The following METTL25B variants were observed in gnomAD, a reference collection of about 807,000 sequenced individuals.
METTL25B encodes methyltransferase-like protein 25B.
In METTL25B, 38 loss-of-function variants were observed where a neutral mutation model predicts 48.4. The observed-to-expected ratio is 0.78, with a 90% CI of 0.61 to 1.03. The LOEUF is 1.03. Among genes scored for constraint, METTL25B ranks in the 50% least tolerant of loss-of-function variants. METTL25B has a pLI of 0.00. For synonymous variants in METTL25B, 230 were observed against 254.5 expected, an observed-to-expected ratio of 0.90 and a Z score of 0.92; for missense variants, 537 against 603.7, an observed-to-expected ratio of 0.89 and a Z score of 1.16.
chr1:156,728,686 A>G lies in METTL25B; in HGVS notation c.-419A>G, dbSNP rs1295066462. ...CTAGCCCCGTGGTGGTACAACGCGA[A>G]GGTGTGGGAAGGCCGCGATAAACCG... On this transcript the variant is annotated 5_prime_UTR_variant, in exon 1 of 8. Transcript: ENST00000368216. 7.1e-6 allele frequency: 7 copies of G among 989,008 alleles called. No homozygotes were observed. In the African/African-American group the frequency reaches 1.2e-4, roughly 17 times the overall value. The allele number at this position is 989,008 out of a possible 1,614,324, so 61.3% of individuals were successfully genotyped here.
chr1:156,729,421 CTTTTTTTTTTTCT>C, intron 1 of METTL25B: 2 of 322,584 alleles, frequency 6.2e-6, no homozygotes, highest in Non-Finnish European at 1.1e-5. Context: ...TTTTCTTTTT[CTTTTTTTTTTTCT>C]TTTTTTTTTT....
intron 1 of METTL25B, 141 bp from the exon 2 acceptor site, chr1:156,731,850 G>A: frequency 9.4e-7 from 1 of 1,062,562 alleles, no homozygotes; most frequent in African/African-American, 1.6e-5. Context: ...CTTAGCAGGA[G>A]GTACCTGCCA....
rs1649539416 is a variant in METTL25B at position 156,734,288 on chromosome 1, C to T, written c.916C>T (p.Pro306Ser). Residue 306 changes from proline (P) to serine (S), a missense_variant, in exon 6 of 8, where the codon CCT (proline) becomes TCT (serine). By Grantham distance (74) the Pro-to-Ser change is moderately conservative. Transcript: ENST00000368216. ...ACTGAGTCAGTGGGTGGCTGGGCTGCCTGGCTATGAACTGCCCTACCGGCT... is the reference window on the plus strand; with the variant it reads ...ACTGAGTCAGTGGGTGGCTGGGCTGTCTGGCTATGAACTGCCCTACCGGCT... ...YPLSQWVAGL[P>S]GYELPYRLRE... 2 of 1,614,156 alleles carry T rather than the reference C, an allele frequency of 1.2e-6. No homozygotes were observed. The highest frequency in any genetic ancestry group is 1.6e-4 in the Middle Eastern group (1 of 6,062).
Position 156,736,882 on chromosome 1 carries a change from C to A in METTL25B, c.*129C>A. The stretch of plus-strand genomic sequence containing the variant: ...AGTCCTGGTTCCTTCAGTTTCATCC[C>A]CTTTCTCTCCTTCCATGGATTATGT... On this transcript the variant is annotated 3_prime_UTR_variant, in exon 8 of 8. Transcript: ENST00000368216. 1.2e-6 allele frequency: 1 copy of A among 805,692 alleles called. No individual in the cohort carries two copies. Among genetic ancestry groups the A allele is most frequent in the Non-Finnish European group, 1.9e-6 (1 of 523,406 alleles). The allele number at this position is 805,692 out of a possible 1,614,324, so 49.9% of individuals were successfully genotyped here.
At chr1:156,733,153 G>T in intron 4 of METTL25B, 106 bp downstream of exon 4, 1 of 1,250,260 alleles carries the variant, frequency 8.0e-7, no homozygotes, top group Non-Finnish European at 1.1e-6. Context: ...GTCAAGAAGC[G>T]TGGAATTTTT....
At position 156,734,349 on chromosome 1, in the gene METTL25B, C is replaced by A; in HGVS notation, c.977C>A (p.Ala326Asp). The A allele has an allele frequency of 6.2e-7, 1 of 1,614,034 alleles. No homozygotes were observed. The highest frequency in any genetic ancestry group is 8.5e-7 in the Non-Finnish European group (1 of 1,179,962). ...GCCTGCCATGCCCTGGAGGAATATGCTGAGCGGCTACAGAAAGCTGGCCCT... is the reference window on the plus strand; with the variant it reads ...GCCTGCCATGCCCTGGAGGAATATGATGAGCGGCTACAGAAAGCTGGCCCT... Reference protein sequence around the residue: ...EGACHALEEYAERLQKAGPGL... With the variant: ...EGACHALEEYDERLQKAGPGL... The change falls in exon 6 of 8, where the codon GCT becomes GAT. Residue 326 changes from alanine to aspartate, a missense_variant. Transcript: ENST00000368216.
chr1:156,728,904 G>A lies in METTL25B; in HGVS notation c.-201G>A. 1 of 580,324 alleles carries A rather than the reference G, an allele frequency of 1.7e-6. No homozygotes were observed. The highest frequency in any genetic ancestry group is 2.7e-5 in the South Asian group (1 of 36,394). 35.9% of individuals were successfully genotyped at this position (580,324 alleles called of 1,614,324 possible). A position where few individuals can be genotyped will look rare whatever the true frequency, so the allele number is the denominator to read the frequency against. On this transcript the variant is annotated 5_prime_UTR_variant, in exon 1 of 8. Coordinates refer to ENST00000368216, the MANE Select transcript of METTL25B (RefSeq NM_015997.4). ...ACACCTTCTCACTGTGAAACGTCGCGACCTGTGACGTCTGGGGGGCGCCTC... is the reference window on the plus strand; with the variant it reads ...ACACCTTCTCACTGTGAAACGTCGCAACCTGTGACGTCTGGGGGGCGCCTC...
Position 156,732,428 on chromosome 1 carries a change from A to G in METTL25B, c.384A>G (p.Lys128=), listed in dbSNP as rs780156786. The stretch of plus-strand genomic sequence containing the variant: ...CCCGACTAACAGCTCCATTCCGGAA[A>G]CATGTCAGGCCCAAGAAGCAGCATG... ...QSSRLTAPFR[K]HVRPKKQHEI... is the part of the protein sequence containing the mutation. Residue 128 remains lysine, a synonymous_variant, in exon 3 of 8, where the codon AAA becomes AAG. Transcript: ENST00000368216. The G allele has an allele frequency of 3.7e-6, 6 of 1,614,144 alleles. No homozygotes were observed. Among genetic ancestry groups the G allele is most frequent in the Non-Finnish European group, 5.1e-6 (6 of 1,180,028 alleles).
chr1:156,734,854 ATCT>A (rs1259908921), intron 6 of METTL25B, among the ~76,000 whole-genome samples: 3 of 148,656 alleles, frequency 2.0e-5, no homozygotes, highest in African/African-American at 7.4e-5. Flanking sequence ...TCTAACGGAG[ATCT>A]TCTACCCTCA....
Position 156,733,448 on chromosome 1 carries a change from GGT to G in METTL25B, c.566_567del (p.Val189GlyfsTer38). On this transcript the variant is annotated frameshift_variant, in exon 5 of 8. Transcript: ENST00000368216. LOFTEE classifies it high-confidence loss of function. ...VKSIEGDQRLVERAQRLDQEL... is the reference protein window; with the variant it reads ...VKSIEGDQRLXERAQRLDQEL... ...AGAGCATCGAAGGGGATCAGAGACT[GGT>G]GGAGAGAGCCCAGCGCCTGGACCAG... 6.2e-7 allele frequency: 1 copy of G among 1,614,124 alleles called. No homozygotes were observed. The highest frequency in any genetic ancestry group is 8.5e-7 in the Non-Finnish European group (1 of 1,179,990).
At position 156,732,115 on chromosome 1, in the gene METTL25B, G is replaced by T; in HGVS notation, c.236G>T (p.Arg79Met). The T allele has an allele frequency of 6.2e-7, 1 of 1,614,216 alleles. No homozygotes were observed. Among genetic ancestry groups the T allele is most frequent in the Non-Finnish European group, 8.5e-7 (1 of 1,180,028 alleles). Residue 79 changes from arginine (R) to methionine (M), a missense_variant and splice_region_variant, in exon 2 of 8, where the codon AGG becomes ATG. Transcript: ENST00000368216. Reference protein sequence around the residue: ...LGMPGEGEVVRYRSVWPLTLL... With the variant: ...LGMPGEGEVVMYRSVWPLTLL... ...ATGCCTGGGGAAGGGGAGGTCGTCA[G>T]GTATGGGCTAGAAGGTCCCTGTGCT...
chr1:156,729,126 G>A lies in METTL25B; in HGVS notation c.22G>A (p.Gly8Ser). 2 of 1,608,778 alleles carry A rather than the reference G, an allele frequency of 1.2e-6. No homozygotes were observed. The highest frequency in any genetic ancestry group is 2.2e-5 in the South Asian group (2 of 90,596). The change falls in exon 1 of 8, where the codon GGC (glycine) becomes AGC (serine). Residue 8 changes from glycine to serine, a missense_variant. Physicochemically the swap from Gly to Ser is moderately conservative, Grantham distance 56. Coordinates refer to ENST00000368216, the MANE Select transcript of METTL25B (RefSeq NM_015997.4). ...CGGGATGCCGGGCATCTCCGCCCGAGGCCTCTCTCATGAGGGGAGGAAGCA... is the reference window on the plus strand; with the variant it reads ...CGGGATGCCGGGCATCTCCGCCCGAAGCCTCTCTCATGAGGGGAGGAAGCA... MPGISAR[G>S]LSHEGRKQLA...
In METTL25B at chr1:156,734,240, C is replaced by T. The variant is rs1649532491; in HGVS notation, c.868C>T (p.Leu290=). The change falls in exon 6 of 8, where the codon CTG becomes TTG. Residue 290 remains leucine, a synonymous_variant. Coordinates refer to ENST00000368216, the MANE Select transcript of METTL25B (RefSeq NM_015997.4). ...CTCAGTGGGCTGCTGCTACATGAAG[C>T]TGAGTGACCCTGGCGGCTACCCACT... is the stretch of plus-strand genomic sequence containing the variant. ...LASVGCCYMK[L]SDPGGYPLSQ... The T allele has an allele frequency of 6.2e-7, 1 of 1,614,226 alleles. No homozygotes were observed. The highest frequency in any genetic ancestry group is 8.5e-7 in the Non-Finnish European group (1 of 1,180,046).
chr1:156,736,388 C>G (rs1412780242), intron 7 of METTL25B: 1 of 423,712 alleles, frequency 2.4e-6, no homozygotes, highest in East Asian at 3.9e-5. Context: ...CCAAATCAGC[C>G]TCTGGTGAAC....
In METTL25B at chr1:156,729,197, C is replaced by G. The variant is rs749957404; in HGVS notation, c.93C>G (p.Ile31Met). ...GTGTCCTGGCACTCTACCGTTCCAT[C>G]TTGGATGCCTACATCATCGTGAGGC... ...LTRVLALYRS[I>M]LDAYIIEFFT... The change falls in exon 1 of 8, where the codon ATC becomes ATG. Residue 31 changes from isoleucine (I) to methionine (M), a missense_variant. Physicochemically the swap from Ile to Met is conservative, Grantham distance 10 (BLOSUM62 1). Coordinates refer to ENST00000368216, the MANE Select transcript of METTL25B (RefSeq NM_015997.4). 9.9e-6 allele frequency: 16 copies of G among 1,608,276 alleles called. No individual in the cohort carries two copies. In the Admixed American group the frequency reaches 2.2e-4, roughly 22 times the overall value.
intron 1 of METTL25B, among the ~76,000 whole-genome samples, chr1:156,730,743 AAAT>A: frequency 6.6e-6 from 1 of 152,148 alleles, no homozygotes; most frequent in South Asian, 2.1e-4. Flanking sequence ...AAAAATAAAT[AAAT>A]AATCCCAGCT....
Position 156,731,313 on chromosome 1 carries a change from G to A in METTL25B, c.112-678G>A, listed in dbSNP as rs185726061. 4.2e-3 allele frequency among the ~76,000 whole-genome samples: 639 copies of A among 152,202 alleles called. 4 individuals are homozygous for A. Among genetic ancestry groups the A allele is most frequent in the African/African-American group, 0.014 (602 of 41,534 alleles). On this transcript the variant is annotated intron_variant, in intron 1 of 7. Coordinates refer to ENST00000368216, the MANE Select transcript of METTL25B (RefSeq NM_015997.4). The stretch of plus-strand genomic sequence containing the variant: ...AAATTTTTGTAATTTTAGTCGAGAC[G>A]GGGTTTCACCATATTGGCCAGGCTG...
At position 156,734,377 on chromosome 1, in the gene METTL25B, C is replaced by T. The variant is rs923204738; in HGVS notation, c.1005C>T (p.Gly335=). 6.2e-7 allele frequency: 1 copy of T among 1,613,730 alleles called. No individual in the cohort carries two copies. Among genetic ancestry groups the T allele is most frequent in the African/African-American group, 1.3e-5 (1 of 74,922 alleles). ...YAERLQKAGP[G]LRTHCYRAAL... is the part of the protein sequence containing the mutation. ...AGCGGCTACAGAAAGCTGGCCCTGG[C>T]CTTCGAACTCACTGCTACCGTGCAG... Residue 335 remains glycine, a synonymous_variant, in exon 6 of 8, where the codon GGC becomes GGT. Transcript: ENST00000368216.
At position 156,732,264 on chromosome 1, in the gene METTL25B, CG is replaced by C. The variant is rs1558019396; in HGVS notation, c.237-15del. 6.2e-7 allele frequency: 1 copy of C among 1,613,066 alleles called. No individual in the cohort carries two copies. The highest frequency in any genetic ancestry group is 1.7e-5 in the Admixed American group (1 of 60,008). On this transcript the variant is annotated splice_polypyrimidine_tract_variant and intron_variant, in intron 2 of 7. Transcript: ENST00000368216. ...TGATGGGACTATTCACTGGAGGCCT[CG>C]GCTGGACTATCTCAGGTACAGGTCA...
Sources: allele counts gnomAD v4.1 joint callset (sites outside exome capture counted in the v4.1 genomes callset), GRCh38; gene constraint gnomAD v4.1.1; transcripts MANE v1.5; gene names NCBI Gene and HGNC (gene_info 2026-07-23, HGNC 2026-07-21).